SRRM4: variants seen among roughly 807,000 people sequenced by gnomAD.
SRRM4 encodes serine/arginine repetitive matrix protein 4.
A neutral mutation model predicts 68.9 loss-of-function variants in SRRM4; 33 were observed. The observed-to-expected ratio is 0.48, with a 90% CI of 0.36 to 0.64. The LOEUF is 0.64. SRRM4 is among the 30% of genes least tolerant of loss of function. SRRM4 has a pLI of 0.00. For synonymous variants in SRRM4, 318 were observed against 318.8 expected (o/e 1.00, Z 0.03); for missense variants, 817 against 827.1 (o/e 0.99, Z 0.15).
At chr12:119,014,455 A>G (rs1953469121) in intron 1 of SRRM4, among the ~76,000 whole-genome samples, 1 of 152,132 alleles carries the variant, frequency 6.6e-6, no homozygotes, top group African/African-American at 2.4e-5. Flanking sequence ...CAGAACAGGT[A>G]TGATGCTCTA....
At chr12:119,137,258 G>A (rs989746834) in intron 8 of SRRM4, among the ~76,000 whole-genome samples, 1 of 151,992 alleles carries the variant, frequency 6.6e-6, no homozygotes, top group African/African-American at 2.4e-5. Flanking sequence ...CTCAGTAAAT[G>A]GACTTGTTCA....
intron 2 of SRRM4, among the ~76,000 whole-genome samples, chr12:119,112,786 A>C (rs1168922257): frequency 6.6e-6 from 1 of 152,184 alleles, no homozygotes; most frequent in African/African-American, 2.4e-5. Context: ...GGAACATCAC[A>C]CACTGGGGCC....
intron 1 of SRRM4, among the ~76,000 whole-genome samples, chr12:119,014,512 A>C (rs909907544): frequency 6.6e-6 from 1 of 152,188 alleles, no homozygotes; most frequent in African/African-American, 2.4e-5. Flanking sequence ...CAGGTATTAG[A>C]GGAAAGAAAA....
intron 1 of SRRM4, among the ~76,000 whole-genome samples, chr12:118,997,043 G>T (rs901796722): frequency 6.6e-6 from 1 of 152,192 alleles, no homozygotes; most frequent in African/African-American, 2.4e-5. Context: ...GAATCAACCA[G>T]CCAGGAAGTG....
intron 2 of SRRM4, among the ~76,000 whole-genome samples, chr12:119,103,594 C>T (rs11610042): frequency 0.077 from 11,733 of 152,268 alleles, 504 homozygotes; most frequent in Admixed American, 0.1. Flanking sequence ...ACTTGGAGAA[C>T]TGAAGTTCAA....
At chr12:119,081,519 G>A (rs11614579) in intron 1 of SRRM4, among the ~76,000 whole-genome samples, 32,150 of 152,156 alleles carry the variant, frequency 0.21, 4,335 homozygotes, top group Middle Eastern at 0.41. Context: ...AGCAGGAAGT[G>A]AGGTCAGAGT....
rs76900674 is a variant in SRRM4 at position 118,984,760 on chromosome 12, A to G, written c.131+2747A>G. Reference sequence around the variant, plus strand: ...TGATGAGGCAATAGCTTTATAATGTATCAAATTGCAACCAGATGTCTGCCT... The same window carrying G: ...TGATGAGGCAATAGCTTTATAATGTGTCAAATTGCAACCAGATGTCTGCCT... On this transcript the variant is annotated intron_variant, in intron 1 of 12. Coordinates refer to ENST00000267260, the MANE Select transcript of SRRM4 (RefSeq NM_194286.4). Among the ~76,000 whole-genome samples, 603 of 152,256 alleles carry G rather than the reference A, an allele frequency of 4.0e-3. 4 individuals are homozygous for G. Among genetic ancestry groups the G allele is most frequent in the African/African-American group, 0.014 (564 of 41,536 alleles).
chr12:119,127,621 G>A (rs998154917), intron 7 of SRRM4, among the ~76,000 whole-genome samples: 10 of 151,868 alleles, frequency 6.6e-5, no homozygotes, highest in African/African-American at 1.9e-4. Flanking sequence ...CCAGCTACTC[G>A]GGAGGCTGAG....
intron 1 of SRRM4, among the ~76,000 whole-genome samples, chr12:119,017,492 G>A (rs546640900): frequency 6.6e-6 from 1 of 152,324 alleles, no homozygotes; most frequent in South Asian, 2.1e-4. Flanking sequence ...GCGGGCAGAT[G>A]GCTGCTGCAT....
intron 4 of SRRM4, among the ~76,000 whole-genome samples, chr12:119,118,562 G>A (rs1316796159): frequency 2.0e-5 from 3 of 152,176 alleles, no homozygotes; most frequent in African/African-American, 7.2e-5. Context: ...TTACTACAAG[G>A]CATGGGCAAA....
chr12:119,154,498 C>T lies in SRRM4; in HGVS notation c.1532+115C>T. On this transcript the variant is annotated intron_variant, in intron 12 of 12. Transcript: ENST00000267260. The surrounding 1 kb of genome is among the most constrained non-coding windows in gnomAD (Gnocchi z 4.7). Reference sequence around the variant, plus strand: ...CTTGGGGCTGGGATTTAGGATTGTGCGAGCTTATGGTCCCCCCAACCCCAA... The same window carrying T: ...CTTGGGGCTGGGATTTAGGATTGTGTGAGCTTATGGTCCCCCCAACCCCAA... The T allele has an allele frequency of 4.1e-6, 5 of 1,222,862 alleles. No individual in the cohort carries two copies. Among genetic ancestry groups the T allele is most frequent in the Non-Finnish European group, 5.7e-6 (5 of 875,428 alleles). 75.8% of individuals were successfully genotyped at this position (1,222,862 alleles called of 1,614,324 possible).
chr12:119,024,538 G>A (rs921677657), intron 1 of SRRM4, among the ~76,000 whole-genome samples: 63 of 152,170 alleles, frequency 4.1e-4, no homozygotes, highest in Admixed American at 1.3e-4. Context: ...CCCATTCTCT[G>A]TGTCTATTCT....
At chr12:119,019,933 G>C (rs1319523587) in intron 1 of SRRM4, among the ~76,000 whole-genome samples, 1 of 141,892 alleles carries the variant, frequency 7.0e-6, no homozygotes, top group Non-Finnish European at 1.6e-5. Context: ...GGAAAGCTCT[G>C]GACAGTTCCC....
At chr12:118,999,640 C>T (rs192003611) in intron 1 of SRRM4, among the ~76,000 whole-genome samples, 41 of 152,242 alleles carry the variant, frequency 2.7e-4, no homozygotes, top group Admixed American at 1.2e-3. Flanking sequence ...TTACACTAAG[C>T]ATTTCGTTTA....
intron 1 of SRRM4, among the ~76,000 whole-genome samples, chr12:119,079,793 G>T (rs1289248177): frequency 6.6e-6 from 1 of 152,014 alleles, no homozygotes; most frequent in Non-Finnish European, 1.5e-5. Context: ...TGTTGGGATC[G>T]CCTAGTCAAT....
chr12:119,102,462 T>C (rs1050367939), intron 2 of SRRM4, 80 bp downstream of exon 2: 9 of 1,111,410 alleles, frequency 8.1e-6, no homozygotes, highest in African/African-American at 1.6e-5. Context: ...CCCTCTCTTA[T>C]GCAAGTTCCT....
chr12:119,117,171 C>T (rs540998337), intron 4 of SRRM4, among the ~76,000 whole-genome samples, 163 bp downstream of exon 4: 6 of 152,190 alleles, frequency 3.9e-5, no homozygotes, highest in East Asian at 3.9e-4. Flanking sequence ...ACTGTGGCTG[C>T]GAAGACTAGA....
intron 8 of SRRM4, among the ~76,000 whole-genome samples, chr12:119,137,496 C>T (rs531978027): frequency 1.1e-4 from 16 of 151,420 alleles, no homozygotes; most frequent in Admixed American, 2.6e-4. Context: ...AGCTGGAGTT[C>T]GTGGTGGGGG....
At chr12:119,082,109 T>C (rs1042773165) in intron 1 of SRRM4, among the ~76,000 whole-genome samples, 6 of 152,146 alleles carry the variant, frequency 3.9e-5, no homozygotes, top group African/African-American at 1.4e-4. Flanking sequence ...ATTCCTGGCT[T>C]GGACTTGTGG....
Sources: allele counts gnomAD v4.1 joint callset (sites outside exome capture counted in the v4.1 genomes callset), GRCh38; gene constraint gnomAD v4.1.1; non-coding constraint Gnocchi (gnomAD v3.1); transcripts MANE v1.5; gene names NCBI Gene and HGNC (gene_info 2026-07-23, HGNC 2026-07-21).